ARHGAP10: variants seen among roughly 807,000 people sequenced by gnomAD.
ARHGAP10 encodes Rho GTPase activating protein 10.
In ARHGAP10, 87 loss-of-function variants were observed where a neutral mutation model predicts 108.6. The ratio of observed to expected loss-of-function variants is 0.80; its 90% confidence interval spans 0.67 to 0.96. The LOEUF is 0.96. Ranked by LOEUF, ARHGAP10 falls within the 40% of genes least tolerant of loss-of-function variation. ARHGAP10 has a pLI of 0.00. For missense variants in ARHGAP10, 939 were observed against 954.5 expected (o/e 0.98, Z 0.21); for synonymous variants, 347 against 341.1 (o/e 1.02, Z -0.19).
At chr4:147,906,362 G>A (rs888939005) in intron 10 of ARHGAP10, among the ~76,000 whole-genome samples, 3 of 152,132 alleles carry the variant, frequency 2.0e-5, no homozygotes, top group Non-Finnish European at 1.5e-5. Context: ...CTTTTATGTA[G>A]CAATTGAAAG....
At chr4:147,926,322 A>T (rs1235472955) in intron 13 of ARHGAP10, among the ~76,000 whole-genome samples, 1 of 152,156 alleles carries the variant, frequency 6.6e-6, no homozygotes, top group Admixed American at 6.5e-5. Context: ...ATAAGAAATG[A>T]TGGAGGTTTA....
At chr4:147,983,187 G>GTT (rs34988080) in intron 18 of ARHGAP10, among the ~76,000 whole-genome samples, 2,339 of 131,524 alleles carry the variant, frequency 0.018, 37 homozygotes, top group Middle Eastern at 0.032. Flanking sequence ...TGGCTGCTTT[G>GTT]TTTTTTTTTT....
At chr4:147,855,451 TA>T (rs1667792328) in intron 4 of ARHGAP10, among the ~76,000 whole-genome samples, 2 of 152,042 alleles carry the variant, frequency 1.3e-5, no homozygotes, top group East Asian at 1.9e-4. Context: ...AGTTGTAAAT[TA>T]AAAAAACCTA....
chr4:148,012,526 T>C (rs973420355), intron 18 of ARHGAP10, among the ~76,000 whole-genome samples: 1 of 152,226 alleles, frequency 6.6e-6, no homozygotes, highest in African/African-American at 2.4e-5. Context: ...GTGTGCTGTT[T>C]GAAATGTTTT....
intron 14 of ARHGAP10, chr4:147,946,321 A>C (rs756218032): frequency 9.4e-5 from 29 of 307,258 alleles, no homozygotes; most frequent in Non-Finnish European, 1.5e-4. Flanking sequence ...GATAATAGCT[A>C]TACATGAATT....
At chr4:147,746,719 C>G (rs1213935504) in intron 1 of ARHGAP10, among the ~76,000 whole-genome samples, 1 of 152,068 alleles carries the variant, frequency 6.6e-6, no homozygotes, top group Non-Finnish European at 1.5e-5. Flanking sequence ...AGGTGGGATT[C>G]ATATTCTAGG....
intron 7 of ARHGAP10, among the ~76,000 whole-genome samples, chr4:147,870,105 G>A (rs545191016): frequency 1.1e-4 from 16 of 151,672 alleles, no homozygotes; most frequent in South Asian, 2.1e-4. Flanking sequence ...GGAGTGCAGC[G>A]GCCCAATCAA....
chr4:148,037,269 C>T (rs1042644399), intron 19 of ARHGAP10, among the ~76,000 whole-genome samples: 4 of 152,180 alleles, frequency 2.6e-5, no homozygotes, highest in African/African-American at 9.7e-5. Flanking sequence ...CTGTCCATGA[C>T]AAACTGCTGC....
At chr4:147,818,497 C>T (rs974215386) in intron 1 of ARHGAP10, among the ~76,000 whole-genome samples, 4 of 145,280 alleles carry the variant, frequency 2.8e-5, no homozygotes, top group Non-Finnish European at 3.0e-5. Flanking sequence ...ATCCGGGAGG[C>T]GGAGTTTGCG....
intron 1 of ARHGAP10, among the ~76,000 whole-genome samples, chr4:147,809,541 T>C (rs776547600): frequency 1.3e-5 from 2 of 152,198 alleles, no homozygotes; most frequent in Non-Finnish European, 2.9e-5. Context: ...AAACTAAAGC[T>C]CAGAAGCATT....
chr4:147,733,238 C>G (rs1728294162), intron 1 of ARHGAP10, among the ~76,000 whole-genome samples: 1 of 152,148 alleles, frequency 6.6e-6, no homozygotes, highest in South Asian at 2.1e-4. Context: ...GGAGAGATAA[C>G]TGTATTTTAG....
At chr4:148,061,016 C>T (rs1729595611) in intron 20 of ARHGAP10, among the ~76,000 whole-genome samples, 1 of 151,952 alleles carries the variant, frequency 6.6e-6, no homozygotes, top group African/African-American at 2.4e-5. Context: ...TACAGTGGTT[C>T]TTTCACTTTC....
chr4:147,897,099 A>AAG (rs1736023938), intron 10 of ARHGAP10, among the ~76,000 whole-genome samples: 1 of 152,056 alleles, frequency 6.6e-6, no homozygotes, highest in Non-Finnish European at 1.5e-5. Context: ...GCTTTCTTAT[A>AAG]CTGTTCGTAC....
chr4:147,824,232 G>T (rs182929292), intron 3 of ARHGAP10, among the ~76,000 whole-genome samples: 2,273 of 152,016 alleles, frequency 0.015, 63 homozygotes, highest in African/African-American at 0.051. Context: ...TGAGGCAAGA[G>T]AATTGCTTGA....
intron 4 of ARHGAP10, among the ~76,000 whole-genome samples, chr4:147,852,144 A>C (rs1733897948): frequency 1.3e-5 from 2 of 152,178 alleles, no homozygotes; most frequent in Admixed American, 6.5e-5. Context: ...TCACCTTGCC[A>C]AACAGGAGTT....
intron 1 of ARHGAP10, among the ~76,000 whole-genome samples, chr4:147,766,548 G>C (rs1729820569): frequency 6.8e-6 from 1 of 146,214 alleles, no homozygotes; most frequent in Admixed American, 6.7e-5. Context: ...CTGTATAACT[G>C]TGTGTGGGTG....
chr4:147,902,920 A>C, intron 10 of ARHGAP10, among the ~76,000 whole-genome samples: 1 of 43,522 alleles, frequency 2.3e-5, no homozygotes, highest in African/African-American at 9.5e-5. Context: ...GTGGGAGGGG[A>C]GGGCGGGGGT....
chr4:147,906,613 C>T (rs1216850875), intron 10 of ARHGAP10, 25 bp from the exon 11 acceptor site: 1 of 1,611,740 alleles, frequency 6.2e-7, no homozygotes, highest in African/African-American at 1.3e-5. Flanking sequence ...AAGGGGTAAC[C>T]TGATATGTTA....
intron 14 of ARHGAP10, 158 bp from the exon 15 acceptor site, chr4:147,946,459 G>A (rs1008684666): frequency 3.5e-6 from 2 of 579,038 alleles, no homozygotes; most frequent in African/African-American, 1.9e-5. Context: ...ATAGAACATA[G>A]CTTATAGTAT....
Sources: allele counts gnomAD v4.1 joint callset (sites outside exome capture counted in the v4.1 genomes callset), GRCh38; gene constraint gnomAD v4.1.1; transcripts MANE v1.5; gene names NCBI Gene and HGNC (gene_info 2026-07-23, HGNC 2026-07-21).